Variants in LHX8 observed in about 807,000 individuals in gnomAD.
LHX8 encodes LIM homeobox 8.
A neutral mutation model predicts 40.3 loss-of-function variants in LHX8; 12 were observed. That is an observed-to-expected ratio of 0.30 (90% CI 0.19 to 0.48). LHX8 has a LOEUF of 0.48. LHX8 is among the 20% of genes least tolerant of loss of function. The probability of loss-of-function intolerance (pLI) is 0.99; values close to 1 mark genes in which losing one functional copy is unlikely to be tolerated. For missense variants in LHX8, 344 were observed against 433.7 expected, an observed-to-expected ratio of 0.79 and a Z score of 1.84; for synonymous variants, 179 against 162.0, an observed-to-expected ratio of 1.10 and a Z score of -0.80.
intron 3 of LHX8, among the ~76,000 whole-genome samples, chr1:75,137,988 G>T (rs1165168343): frequency 6.6e-6 from 1 of 152,204 alleles, no homozygotes; most frequent in African/African-American, 2.4e-5. Context: ...AATGGAAATT[G>T]ATATAAAGTT....
At chr1:75,185,501 A>G in the LHX8 span, among the ~76,000 whole-genome samples, 1 of 151,734 alleles carries the variant, frequency 6.6e-6, no homozygotes, top group Non-Finnish European at 1.5e-5. Flanking sequence ...AAGGCAAAAC[A>G]CATATGATTA....
the LHX8 span, among the ~76,000 whole-genome samples, chr1:75,172,742 A>C: frequency 6.6e-6 from 1 of 152,142 alleles, no homozygotes; most frequent in African/African-American, 2.4e-5. Flanking sequence ...CATCTTATCC[A>C]ATCCCCTTAT....
At chr1:75,157,221 A>C in intron 8 of LHX8, 145 bp downstream of exon 8, 2 of 840,202 alleles carry the variant, frequency 2.4e-6, no homozygotes, top group Non-Finnish European at 3.9e-6. Context: ...TAGAGAGCAA[A>C]ATTATCCAAA....
At chr1:75,144,517 A>G (rs1648409673) in intron 6 of LHX8, among the ~76,000 whole-genome samples, 1 of 152,116 alleles carries the variant, frequency 6.6e-6, no homozygotes, top group Admixed American at 6.6e-5. Flanking sequence ...GAGTACTTCT[A>G]TAATTTGATA....
chr1:75,158,927 G>A (rs1405309), intron 8 of LHX8, among the ~76,000 whole-genome samples: 143,082 of 152,220 alleles, frequency 0.94, 67,258 homozygotes, highest in East Asian at 0.98. Context: ...ATATTGATCA[G>A]TTTTAGGAAA....
chr1:75,183,776 A>G, the LHX8 span, among the ~76,000 whole-genome samples: 11 of 152,370 alleles, frequency 7.2e-5, no homozygotes, highest in South Asian at 4.1e-4. Flanking sequence ...ACACATATCC[A>G]TATTAACTTT....
chr1:75,154,544 G>A (rs530638190), intron 7 of LHX8, among the ~76,000 whole-genome samples: 9 of 152,148 alleles, frequency 5.9e-5, no homozygotes, highest in East Asian at 3.9e-4. Flanking sequence ...GTCCTCTGGC[G>A]TATGTGTCTT....
downstream of LHX8, among the ~76,000 whole-genome samples, chr1:75,164,017 A>T (rs980749778): frequency 1.3e-5 from 2 of 152,216 alleles, no homozygotes; most frequent in South Asian, 2.1e-4. Context: ...TGTGACCAAT[A>T]CATTTCTGTT....
chr1:75,136,429 G>A (rs1648131417), intron 1 of LHX8, among the ~76,000 whole-genome samples, 174 bp from the exon 2 acceptor site: 1 of 151,726 alleles, frequency 6.6e-6, no homozygotes, highest in Non-Finnish European at 1.5e-5. Context: ...AGCGAAGGAG[G>A]CTGCGCGCCA....
chr1:75,158,425 G>A (rs900777368), intron 8 of LHX8, among the ~76,000 whole-genome samples: 1 of 152,052 alleles, frequency 6.6e-6, no homozygotes, highest in Non-Finnish European at 1.5e-5. Flanking sequence ...TCCTTCATGA[G>A]CCATGCTTTT....
chr1:75,139,407 AAGAG>A (rs892359739), intron 3 of LHX8, among the ~76,000 whole-genome samples: 2 of 152,176 alleles, frequency 1.3e-5, no homozygotes, highest in Non-Finnish European at 2.9e-5. Flanking sequence ...AGGAGGGAGT[AAGAG>A]AGAGGCCATG....
intron 6 of LHX8, among the ~76,000 whole-genome samples, chr1:75,148,084 A>G (rs1413913604): frequency 1.3e-5 from 2 of 151,864 alleles, no homozygotes; most frequent in African/African-American, 2.4e-5. Context: ...TTTTTTTTGC[A>G]TAGAGCTAGT....
At chr1:75,149,761 G>C (rs1177837797) in intron 7 of LHX8, among the ~76,000 whole-genome samples, 4 of 152,074 alleles carry the variant, frequency 2.6e-5, no homozygotes, top group Non-Finnish European at 5.9e-5. Flanking sequence ...TGCCCAGGCT[G>C]GTCTCAAATT....
intron 7 of LHX8, among the ~76,000 whole-genome samples, chr1:75,155,386 C>T (rs1220515827): frequency 6.6e-6 from 1 of 152,016 alleles, no homozygotes; most frequent in African/African-American, 2.4e-5. Flanking sequence ...AGGCACCCGC[C>T]ACCATGCCTG....
chr1:75,137,035 T>A, intron 2 of LHX8, 65 bp from the exon 3 acceptor site: 1 of 1,507,618 alleles, frequency 6.6e-7, no homozygotes, highest in African/African-American at 1.4e-5. Flanking sequence ...GGCGCCCTTG[T>A]GGGTAGGTGG....
Position 75,148,823 on chromosome 1 carries a change from T to G in LHX8, c.780+141T>G, listed in dbSNP as rs188847840. 1.1e-3 allele frequency: 724 copies of G among 656,238 alleles called. 5 individuals carry two copies. In the African/African-American group the frequency reaches 0.012, roughly 11 times the overall value. The allele number at this position is 656,238 out of a possible 1,614,324, so 40.7% of individuals were successfully genotyped here. On this transcript the variant is annotated intron_variant, in intron 7 of 8. Transcript: ENST00000356261. ...CTCCCAAAGTAATGGGATTACAGGA[T>G]GAGCCACTGTACCTGGCCACAGGTG...
At chr1:75,162,777 A>G (rs1648947801), downstream of LHX8, among the ~76,000 whole-genome samples, 1 of 152,184 alleles carries the variant, frequency 6.6e-6, no homozygotes, top group Admixed American at 6.5e-5. Flanking sequence ...TGACTTTGCT[A>G]TCTCTAGCCA....
chr1:75,153,457 G>C (rs1297227983), intron 7 of LHX8, among the ~76,000 whole-genome samples: 1 of 151,482 alleles, frequency 6.6e-6, no homozygotes. Flanking sequence ...CTGTTGCCCA[G>C]GCTAGAGTGC....
At chr1:75,157,128 A>T (rs1229988264) in intron 8 of LHX8, 52 bp downstream of exon 8, 1 of 1,537,104 alleles carries the variant, frequency 6.5e-7, no homozygotes, top group Middle Eastern at 1.7e-4. Context: ...GCAACTGGTA[A>T]CTTCTAATAT....
Sources: gnomAD v4.1 joint callset for allele counts (sites outside exome capture counted in the v4.1 genomes callset) on GRCh38, gnomAD v4.1.1 for gene constraint, MANE v1.5 for transcripts, NCBI Gene and HGNC (gene_info 2026-07-23, HGNC 2026-07-21) for gene names.